The following RAP1GDS1 variants were observed in gnomAD, a reference collection of about 807,000 sequenced individuals.
RAP1GDS1 encodes the protein Rap1 GTPase-GDP dissociation stimulator 1, also known as RAP1, GTP-GDP dissociation stimulator 1.
RAP1GDS1 carries 35 observed loss-of-function variants against 71.1 expected under a neutral mutation model. That is an observed-to-expected ratio of 0.49 (90% CI 0.38 to 0.65). RAP1GDS1 has a LOEUF of 0.65. RAP1GDS1 is among the 30% of genes least tolerant of loss of function. The pLI is 0.00. For synonymous variants in RAP1GDS1, 229 were observed against 243.1 expected (o/e 0.94, Z 0.54); for missense variants, 663 against 706.1 (o/e 0.94, Z 0.69).
At chr4:98,437,787 G>A (rs1356357008) in intron 14 of RAP1GDS1, among the ~76,000 whole-genome samples, 4 of 140,586 alleles carry the variant, frequency 2.8e-5, no homozygotes. Context: ...ACAAGACTCT[G>A]TCTCAAAAAA....
chr4:98,291,255 G>A (rs1012218045), intron 1 of RAP1GDS1, among the ~76,000 whole-genome samples: 4 of 152,094 alleles, frequency 2.6e-5, no homozygotes, highest in African/African-American at 9.7e-5. Flanking sequence ...CTTTGAAGAT[G>A]TCACATATTT....
At chr4:98,337,297 TCTCA>T (rs1036259364) in intron 2 of RAP1GDS1, among the ~76,000 whole-genome samples, 3 of 152,246 alleles carry the variant, frequency 2.0e-5, no homozygotes, top group African/African-American at 7.2e-5. Flanking sequence ...TACATCTCTT[TCTCA>T]CTCAGTTGTC....
chr4:98,274,559 C>T (rs966766016), intron 1 of RAP1GDS1, among the ~76,000 whole-genome samples: 1 of 152,052 alleles, frequency 6.6e-6, no homozygotes, highest in African/African-American at 2.4e-5. Context: ...TCAACTAAAC[C>T]TTTTTCTGGT....
chr4:98,373,756 T>C (rs575902076), intron 4 of RAP1GDS1, among the ~76,000 whole-genome samples: 4 of 152,324 alleles, frequency 2.6e-5, no homozygotes, highest in Admixed American at 2.6e-4. Context: ...GAATTAGGCA[T>C]GGTAAGAGAT....
intron 5 of RAP1GDS1, chr4:98,387,470 T>C: frequency 2.2e-6 from 1 of 456,042 alleles, no homozygotes; most frequent in South Asian, 1.5e-5. Flanking sequence ...GAGTGTGACC[T>C]GAAGAACTTG....
intron 12 of RAP1GDS1, among the ~76,000 whole-genome samples, chr4:98,426,187 A>T (rs1245568779): frequency 6.6e-6 from 1 of 152,228 alleles, no homozygotes; most frequent in East Asian, 1.9e-4. Flanking sequence ...ACAATAAATG[A>T]TACAACCTAT....
chr4:98,316,375 C>T (rs1424268604), intron 2 of RAP1GDS1, among the ~76,000 whole-genome samples: 1 of 152,086 alleles, frequency 6.6e-6, no homozygotes, highest in Non-Finnish European at 1.5e-5. Context: ...CAAATATAAG[C>T]TTTCAATCAT....
In RAP1GDS1 at chr4:98,436,922, A is replaced by G. The variant is rs773748811; in HGVS notation, c.1568-18A>G. The G allele has an allele frequency of 2.9e-5, 46 of 1,584,442 alleles. No individual in the cohort carries two copies. The highest frequency in any genetic ancestry group is 3.8e-5 in the Non-Finnish European group (44 of 1,170,992). On this transcript the variant is annotated intron_variant, in intron 13 of 14. Transcript: ENST00000408927. ...TACTGGGTTCGTACGCAGTAGATAT[A>G]CTTTGTTTTATTTGTAGGCACTGCT...
At chr4:98,372,320 G>A (rs1740503486) in intron 4 of RAP1GDS1, among the ~76,000 whole-genome samples, 1 of 152,090 alleles carries the variant, frequency 6.6e-6, no homozygotes, top group African/African-American at 2.4e-5. Context: ...ACGCCACCAT[G>A]CCCAGCTAAT....
chr4:98,307,096 T>G (rs2110309488), intron 2 of RAP1GDS1, among the ~76,000 whole-genome samples: 1 of 152,100 alleles, frequency 6.6e-6, no homozygotes, highest in African/African-American at 2.4e-5. Flanking sequence ...AAAATTTATT[T>G]TAACATATGG....
rs1752020463 is a variant in RAP1GDS1 at position 98,442,687 on chromosome 4, C to T, written c.*570C>T. 4.4e-6 allele frequency: 1 copy of T among 227,090 alleles called. No individual in the cohort carries two copies. The highest frequency in any genetic ancestry group is 8.8e-6 in the Non-Finnish European group (1 of 114,062). The allele number at this position is 227,090 out of a possible 1,614,324, so 14.1% of individuals were successfully genotyped here. A position where few individuals can be genotyped will look rare whatever the true frequency, so the allele number is the denominator to read the frequency against. On this transcript the variant is annotated 3_prime_UTR_variant, in exon 15 of 15. Coordinates refer to ENST00000408927, the MANE Select transcript of RAP1GDS1 (RefSeq NM_001100427.2). ...TTTAACTTCTGGTTTCTCCTTTTTC[C>T]TTTTTAGACTATTGAAACTGCCACA...
At chr4:98,306,615 A>T (rs1011046562) in intron 2 of RAP1GDS1, among the ~76,000 whole-genome samples, 9 of 152,206 alleles carry the variant, frequency 5.9e-5, no homozygotes, top group Admixed American at 1.3e-4. Flanking sequence ...ATTGGAAATG[A>T]ATTAATATTA....
intron 2 of RAP1GDS1, among the ~76,000 whole-genome samples, chr4:98,312,623 T>C (rs1231515497): frequency 6.6e-6 from 1 of 152,166 alleles, no homozygotes; most frequent in African/African-American, 2.4e-5. Context: ...ATGATCCTCT[T>C]TTCTAGGAGC....
intron 2 of RAP1GDS1, among the ~76,000 whole-genome samples, chr4:98,301,802 A>G (rs1728624856): frequency 6.6e-6 from 1 of 152,206 alleles, no homozygotes; most frequent in Non-Finnish European, 1.5e-5. Context: ...AGGTCAGGAA[A>G]GCACCACTTT....
At chr4:98,296,012 A>G (rs1171358808) in intron 2 of RAP1GDS1, among the ~76,000 whole-genome samples, 1 of 146,010 alleles carries the variant, frequency 6.8e-6, no homozygotes, top group Admixed American at 7.0e-5. Context: ...ACTTAGAAGA[A>G]TCTGTACTTG....
rs191185602 is a variant in RAP1GDS1, at chr4:98,303,650, A to C, written c.112+10135A>C. Among the ~76,000 whole-genome samples the C allele has an allele frequency of 2.8e-3, 408 of 147,796 alleles. 2 individuals carry two copies. The highest frequency in any genetic ancestry group is 9.6e-3 in the African/African-American group (389 of 40,690). On this transcript the variant is annotated intron_variant, in intron 2 of 14. Coordinates refer to ENST00000408927, the MANE Select transcript of RAP1GDS1 (RefSeq NM_001100427.2). ...ATAATAATATAATATAATATAATAT[A>C]ATATAATATAATATAATTGGGGTAT...
intron 2 of RAP1GDS1, among the ~76,000 whole-genome samples, chr4:98,331,492 C>T (rs1480960188): frequency 6.6e-6 from 1 of 152,090 alleles, no homozygotes; most frequent in Admixed American, 6.5e-5. Flanking sequence ...TTATTATCAA[C>T]AATTGACAAG....
At chr4:98,317,846 C>CTCTTTT (rs1731181942) in intron 2 of RAP1GDS1, among the ~76,000 whole-genome samples, 2 of 139,054 alleles carry the variant, frequency 1.4e-5, no homozygotes, top group South Asian at 4.6e-4. Context: ...CTTTTCTTCT[C>CTCTTTT]TTTTTTTTTT....
At chr4:98,288,586 A>G (rs897826702) in intron 1 of RAP1GDS1, among the ~76,000 whole-genome samples, 2 of 152,190 alleles carry the variant, frequency 1.3e-5, no homozygotes, top group African/African-American at 4.8e-5. Flanking sequence ...TTCTAGTTCT[A>G]GATCCCTGAG....
Sources: allele counts gnomAD v4.1 joint callset (sites outside exome capture counted in the v4.1 genomes callset), GRCh38; gene constraint gnomAD v4.1.1; transcripts MANE v1.5; gene names NCBI Gene and HGNC (gene_info 2026-07-23, HGNC 2026-07-21).